The following TRAPPC9 variants were observed in gnomAD, a reference collection of about 807,000 sequenced individuals.
TRAPPC9 encodes trafficking protein particle complex subunit 9.
Under a neutral mutation model 124.0 loss-of-function variants are expected in TRAPPC9, and 83 were observed. The observed-to-expected ratio is 0.67, with a 90% CI of 0.56 to 0.80. TRAPPC9 has a LOEUF of 0.80. Among genes scored for constraint, TRAPPC9 ranks in the 30% least tolerant of loss-of-function variants. The pLI, the probability that TRAPPC9 is intolerant of heterozygous loss-of-function variation, is 0.00. For synonymous variants in TRAPPC9, 638 were observed against 617.5 expected, an observed-to-expected ratio of 1.03 and a Z score of -0.49; for missense variants, 1,302 against 1,508.3, an observed-to-expected ratio of 0.86 and a Z score of 2.27.
intron 17 of TRAPPC9, among the ~76,000 whole-genome samples, chr8:140,184,159 G>A (rs2062297524): frequency 6.6e-6 from 1 of 152,080 alleles, no homozygotes; most frequent in African/African-American, 2.4e-5. Flanking sequence ...ACAGAAACAG[G>A]GCAGACATAT....
At chr8:140,288,374 T>C (rs1184082860) in intron 12 of TRAPPC9, among the ~76,000 whole-genome samples, 1 of 152,180 alleles carries the variant, frequency 6.6e-6, no homozygotes, top group African/African-American at 2.4e-5. Flanking sequence ...ATACCACCAG[T>C]TAATATCCCT....
At chr8:139,916,603 A>T (rs529083949) in intron 19 of TRAPPC9, 1 of 152,358 alleles carries the variant, frequency 6.6e-6, no homozygotes, top group East Asian at 1.9e-4. Context: ...GAGTTAAATA[A>T]AATTAATACT....
At position 139,958,792 on chromosome 8, in the gene TRAPPC9, T is replaced by TA. The variant is rs1835164087; in HGVS notation, c.2810+29933_2810+29934insT. Reference sequence around the variant, plus strand: ...GACATGTAAGGAGTGCCTTTTCCTTTCCACAAGGAAAAGGGGAGTTGTGTA... The same window carrying TA: ...GACATGTAAGGAGTGCCTTTTCCTTTACCACAAGGAAAAGGGGAGTTGTGTA... On this transcript the variant is annotated intron_variant, in intron 19 of 22. Coordinates refer to ENST00000438773, the MANE Select transcript of TRAPPC9 (RefSeq NM_001160372.4). Among the ~76,000 whole-genome samples the TA allele has an allele frequency of 3.3e-5, 5 of 152,316 alleles. No homozygotes were observed. The South Asian group carries it at 1.0e-3, about 32-fold the overall frequency.
At chr8:140,069,278 G>A (rs1843022044) in intron 17 of TRAPPC9, among the ~76,000 whole-genome samples, 1 of 152,166 alleles carries the variant, frequency 6.6e-6, no homozygotes, top group African/African-American at 2.4e-5. Context: ...CTGAAGGTTG[G>A]CTCAAAGCCC....
rs1398510489 is a variant in TRAPPC9 at position 139,776,868 on chromosome 8, C to A, written c.3056-44666G>T. ...GCGCCTGTGACTTACTATAAAATGA[C>A]AACATGGTTACTTTCGCCTAAACCA... On this transcript the variant is annotated intron_variant, in intron 21 of 22. Coordinates refer to ENST00000438773, the MANE Select transcript of TRAPPC9 (RefSeq NM_001160372.4). The surrounding 1 kb of genome is among the most constrained non-coding windows in gnomAD (Gnocchi z 4.1). 6.6e-6 allele frequency among the ~76,000 whole-genome samples: 1 copy of A among 152,216 alleles called. No homozygotes were observed. Among genetic ancestry groups the A allele is most frequent in the East Asian group, 1.9e-4 (1 of 5,196 alleles).
At chr8:139,762,434 C>T (rs934241938) in intron 21 of TRAPPC9, among the ~76,000 whole-genome samples, 8 of 152,108 alleles carry the variant, frequency 5.3e-5, no homozygotes, top group Non-Finnish European at 1.0e-4. Flanking sequence ...GGCACTCACA[C>T]GAGCCTGGAG....
rs115108354 is a variant in TRAPPC9, at chr8:139,911,856, A to C, written c.2811-1556T>G. Among the ~76,000 whole-genome samples, 296 of 152,208 alleles carry C rather than the reference A, an allele frequency of 1.9e-3. 3 individuals carry two copies. Among genetic ancestry groups the C allele is most frequent in the African/African-American group, 7.0e-3 (289 of 41,542 alleles). On this transcript the variant is annotated intron_variant, in intron 19 of 22. Coordinates refer to ENST00000438773, the MANE Select transcript of TRAPPC9 (RefSeq NM_001160372.4). ...GGGGACCTGCTGTTAAGGGGATATA[A>C]AGACAAGATAAGACCCAAAGAAGTC...
intron 17 of TRAPPC9, among the ~76,000 whole-genome samples, chr8:140,192,695 T>C (rs1055868391): frequency 1.3e-5 from 2 of 152,358 alleles, no homozygotes; most frequent in African/African-American, 4.8e-5. Context: ...AACTATTAAC[T>C]ATTCCAACTA....
intron 21 of TRAPPC9, among the ~76,000 whole-genome samples, chr8:139,768,848 C>G (rs765043582): frequency 2.6e-5 from 4 of 152,156 alleles, no homozygotes; most frequent in Non-Finnish European, 5.9e-5. Flanking sequence ...TATTTAGAGA[C>G]AGGGCCTTCA....
intron 18 of TRAPPC9, among the ~76,000 whole-genome samples, chr8:140,011,165 C>A (rs1379336156): frequency 6.6e-6 from 1 of 151,880 alleles, no homozygotes; most frequent in African/African-American, 2.4e-5. Context: ...CAAGGTGAAA[C>A]CCCATCTCTA....
chr8:140,323,877 A>G lies in TRAPPC9; in HGVS notation c.1496-12503T>C, dbSNP rs143728147. 5.1e-4 allele frequency among the ~76,000 whole-genome samples: 70 copies of G among 136,234 alleles called. No individual in the cohort carries two copies. In the East Asian group the frequency reaches 0.015, roughly 30 times the overall value. The allele number at this position is 136,234 out of a possible 152,430, so 89.4% of individuals were successfully genotyped here. On this transcript the variant is annotated intron_variant, in intron 9 of 22. Transcript: ENST00000438773. ...TATATACTTTATACTCTCAGGAAAC[A>G]AACTTTTTTAAAAAATATATTTTTT...
chr8:140,298,205 T>G (rs759085791), intron 11 of TRAPPC9, among the ~76,000 whole-genome samples: 1 of 152,254 alleles, frequency 6.6e-6, no homozygotes, highest in African/African-American at 2.4e-5. Context: ...ACCCTAGTTA[T>G]GCCCTTTATC....
intron 17 of TRAPPC9, chr8:140,039,657 G>C (rs1412432713): frequency 6.6e-6 from 1 of 152,184 alleles, no homozygotes; most frequent in African/African-American, 2.4e-5. Context: ...CTTGATGTAT[G>C]AATGTCTGTG....
At chr8:140,289,922 C>T (rs954699831) in intron 12 of TRAPPC9, among the ~76,000 whole-genome samples, 6 of 152,176 alleles carry the variant, frequency 3.9e-5, no homozygotes, top group African/African-American at 4.8e-5. Flanking sequence ...AGACAGATTT[C>T]GGGAAACTAT....
chr8:140,228,617 C>T (rs144708917), intron 16 of TRAPPC9, among the ~76,000 whole-genome samples: 253 of 152,300 alleles, frequency 1.7e-3, no homozygotes, highest in African/African-American at 5.7e-3. Context: ...TGGGACCAGA[C>T]GTAAAGTCCT....
chr8:140,426,594 C>T lies in TRAPPC9; in HGVS notation c.886+21G>A, dbSNP rs759639562. On this transcript the variant is annotated intron_variant, in intron 5 of 22. Coordinates refer to ENST00000438773, the MANE Select transcript of TRAPPC9 (RefSeq NM_001160372.4). ...CACTTAAAAAAATAACCAAAAGAAA[C>T]TAAACACATAGATCATGTACCTGGA... 3.7e-6 allele frequency: 6 copies of T among 1,612,524 alleles called. No homozygotes were observed. The South Asian group carries it at 4.4e-5, about 12-fold the overall frequency.
chr8:140,038,601 G>A (rs1421596882), intron 17 of TRAPPC9, among the ~76,000 whole-genome samples: 7 of 152,174 alleles, frequency 4.6e-5, no homozygotes, highest in East Asian at 1.9e-4. Context: ...GTGGCGAGAC[G>A]GAAGCAGAGC....
intron 17 of TRAPPC9, among the ~76,000 whole-genome samples, chr8:140,144,541 T>A (rs2061428659): frequency 6.6e-6 from 1 of 152,116 alleles, no homozygotes; most frequent in Non-Finnish European, 1.5e-5. Flanking sequence ...CAGGCTGGAG[T>A]GCAGCAGTGC....
At chr8:140,218,386 A>AC (rs1307697128) in intron 17 of TRAPPC9, among the ~76,000 whole-genome samples, 1 of 152,154 alleles carries the variant, frequency 6.6e-6, no homozygotes, top group Non-Finnish European at 1.5e-5. Context: ...CATCAAGAAC[A>AC]ACCATTTAAA....
Sources: gnomAD v4.1 joint callset for allele counts (sites outside exome capture counted in the v4.1 genomes callset) on GRCh38, gnomAD v4.1.1 for gene constraint, Gnocchi (gnomAD v3.1) non-coding constraint, MANE v1.5 for transcripts, NCBI Gene and HGNC (gene_info 2026-07-23, HGNC 2026-07-21) for gene names.